CERT1: variants seen among roughly 807,000 people sequenced by gnomAD.
CERT1 encodes the protein ceramide transfer protein.
CERT1 carries 31 observed loss-of-function variants against 87.9 expected under a neutral mutation model. The observed-to-expected ratio is 0.35, with a 90% confidence interval of 0.27 to 0.48. CERT1 has a LOEUF of 0.48. Among genes scored for constraint, CERT1 ranks in the 20% least tolerant of loss-of-function variants. The probability of loss-of-function intolerance (pLI) is 0.99; values close to 1 mark genes in which losing one functional copy is unlikely to be tolerated. For missense variants in CERT1, 487 were observed against 758.0 expected, an observed-to-expected ratio of 0.64 and a Z score of 4.20; for synonymous variants, 289 against 250.9, an observed-to-expected ratio of 1.15 and a Z score of -1.44.
At chr5:75,386,412 C>G (rs1159544162) in intron 12 of CERT1, among the ~76,000 whole-genome samples, 1 of 152,152 alleles carries the variant, frequency 6.6e-6, no homozygotes, top group African/African-American at 2.4e-5. Flanking sequence ...CTGCTTTGTT[C>G]AATGCTGTAT....
At chr5:75,449,138 G>A (rs1399622331) in intron 3 of CERT1, among the ~76,000 whole-genome samples, 2 of 152,126 alleles carry the variant, frequency 1.3e-5, no homozygotes, top group Admixed American at 6.5e-5. Flanking sequence ...GCTGTGAAAT[G>A]GCAATTAGAC....
At chr5:75,425,013 G>A (rs959366799) in intron 5 of CERT1, among the ~76,000 whole-genome samples, 1 of 152,076 alleles carries the variant, frequency 6.6e-6, no homozygotes, top group Non-Finnish European at 1.5e-5. Flanking sequence ...AGCAACCTGG[G>A]TGGCTGAGAT....
At chr5:75,420,382 C>T (rs112710957) in intron 5 of CERT1, among the ~76,000 whole-genome samples, 7 of 148,148 alleles carry the variant, frequency 4.7e-5, no homozygotes, top group Admixed American at 2.0e-4. Flanking sequence ...CTTGCTCTGT[C>T]GCCCAGGCTG....
intron 2 of CERT1, among the ~76,000 whole-genome samples, chr5:75,488,725 T>A (rs1352709563): frequency 6.6e-6 from 1 of 152,166 alleles, no homozygotes; most frequent in Non-Finnish European, 1.5e-5. Context: ...TTATTTTTGC[T>A]TTTATGATTT....
At chr5:75,504,751 CTTTTTTTT>C in intron 2 of CERT1, among the ~76,000 whole-genome samples, 1 of 131,582 alleles carries the variant, frequency 7.6e-6, no homozygotes, top group East Asian at 2.2e-4. Flanking sequence ...TTAGCCAACA[CTTTTTTTT>C]TTTTTTTTTT....
chr5:75,385,539 T>C (rs984687349), intron 13 of CERT1, among the ~76,000 whole-genome samples: 9 of 152,174 alleles, frequency 5.9e-5, no homozygotes, highest in African/African-American at 2.2e-4. Context: ...GGAAACAGTT[T>C]AGGAAAGAGT....
chr5:75,447,092 C>G (rs1764573588), intron 3 of CERT1, among the ~76,000 whole-genome samples: 1 of 152,210 alleles, frequency 6.6e-6, no homozygotes, highest in South Asian at 2.1e-4. Flanking sequence ...AACACATGCA[C>G]AGCTGCCTGC....
chr5:75,484,850 C>G (rs971000167), intron 2 of CERT1, among the ~76,000 whole-genome samples: 34 of 152,194 alleles, frequency 2.2e-4, no homozygotes, highest in African/African-American at 7.9e-4. Context: ...CAGACTTAAT[C>G]TATACTATAG....
chr5:75,506,186 T>C lies in CERT1; in HGVS notation c.97-70A>G. 2.8e-6 allele frequency: 4 copies of C among 1,452,144 alleles called. No individual in the cohort carries two copies. In the South Asian group the frequency reaches 5.1e-5, roughly 19 times the overall value. 90.0% of individuals were successfully genotyped at this position (1,452,144 alleles called of 1,614,324 possible). ...AGAAGTATTTTAGAAATCCAAACTT[T>C]GTGAAACAGCAATCTAATTTTAAAA... On this transcript the variant is annotated intron_variant, in intron 1 of 16. Coordinates refer to ENST00000643780, the MANE Select transcript of CERT1 (RefSeq NM_001379029.1).
chr5:75,452,957 A>T (rs968922420), intron 3 of CERT1, among the ~76,000 whole-genome samples: 1 of 152,222 alleles, frequency 6.6e-6, no homozygotes, highest in Non-Finnish European at 1.5e-5. Context: ...TCTGGTATAC[A>T]TATGTCCTTT....
At chr5:75,461,808 A>G (rs1765244013) in intron 2 of CERT1, among the ~76,000 whole-genome samples, 1 of 146,898 alleles carries the variant, frequency 6.8e-6, no homozygotes, top group African/African-American at 2.5e-5. Flanking sequence ...AAAGTTTTAC[A>G]TCTCAACAAA....
intron 3 of CERT1, among the ~76,000 whole-genome samples, chr5:75,452,955 A>G (rs1022400308): frequency 6.6e-6 from 1 of 152,242 alleles, no homozygotes; most frequent in African/African-American, 2.4e-5. Flanking sequence ...GGTCTGGTAT[A>G]CATATGTCCT....
At position 75,371,695 on chromosome 5, in the gene CERT1, T is replaced by A. The variant is rs141759574; in HGVS notation, c.*10-3037A>T. On this transcript the variant is annotated intron_variant, in intron 17 of 17. Coordinates refer to the CERT1 transcript ENST00000261415. ...GTACAGTGGGCAGTCAGGGACAAAA[T>A]CCCCACATCACCAATATATTTCAAG... 202 of 152,064 alleles carry A rather than the reference T, an allele frequency of 1.3e-3. 2 individuals are homozygous for A. The highest frequency in any genetic ancestry group is 4.7e-3 in the African/African-American group (193 of 41,482). 9.4% of individuals were successfully genotyped at this position (152,064 alleles called of 1,614,324 possible).
At chr5:75,383,982 T>A (rs890621757) in intron 14 of CERT1, among the ~76,000 whole-genome samples, 3 of 152,198 alleles carry the variant, frequency 2.0e-5, no homozygotes, top group Non-Finnish European at 4.4e-5. Flanking sequence ...TGTTTCTGTA[T>A]GCTCTGGTGT....
chr5:75,464,007 G>T (rs182367550), intron 2 of CERT1, among the ~76,000 whole-genome samples: 1 of 152,254 alleles, frequency 6.6e-6, no homozygotes, highest in Admixed American at 6.5e-5. Flanking sequence ...GGCTTCCTGA[G>T]AAAGGAATTC....
intron 2 of CERT1, among the ~76,000 whole-genome samples, chr5:75,482,510 G>A (rs1372774248): frequency 2.6e-5 from 4 of 152,206 alleles, no homozygotes; most frequent in Admixed American, 6.5e-5. Context: ...GACACCTACT[G>A]GAGAGCCTTT....
chr5:75,510,453 T>C (rs898229250), intron 1 of CERT1, among the ~76,000 whole-genome samples: 4 of 152,200 alleles, frequency 2.6e-5, no homozygotes, highest in Non-Finnish European at 5.9e-5. Context: ...TATTTTATTA[T>C]TAAGTAATGC....
chr5:75,502,350 T>A (rs1325373274), intron 2 of CERT1, among the ~76,000 whole-genome samples: 1 of 152,080 alleles, frequency 6.6e-6, no homozygotes, highest in Non-Finnish European at 1.5e-5. Flanking sequence ...TCACTACTGG[T>A]AGGAGTGAGG....
chr5:75,437,122 T>C (rs1764129286), intron 3 of CERT1, among the ~76,000 whole-genome samples: 1 of 152,132 alleles, frequency 6.6e-6, no homozygotes, highest in Non-Finnish European at 1.5e-5. Flanking sequence ...TCCACCCTAT[T>C]CATGTCCAGT....
Sources: gnomAD v4.1 joint callset for allele counts (sites outside exome capture counted in the v4.1 genomes callset) on GRCh38, gnomAD v4.1.1 for gene constraint, MANE v1.5 for transcripts, NCBI Gene and HGNC (gene_info 2026-07-23, HGNC 2026-07-21) for gene names.